The following THSD7A variants were observed in gnomAD, a reference collection of about 807,000 sequenced individuals.
THSD7A encodes thrombospondin type-1 domain-containing protein 7A.
Under a neutral mutation model 231.3 loss-of-function variants are expected in THSD7A, and 96 were observed. The observed-to-expected ratio is 0.41, with a 90% CI of 0.35 to 0.49. The LOEUF is 0.49. THSD7A is among the 20% of genes least tolerant of loss of function. The pLI is 0.05. For synonymous variants in THSD7A, 940 were observed against 743.3 expected (o/e 1.26, Z -4.30); for missense variants, 2,290 against 2,070.2 (o/e 1.11, Z -2.06).
chr7:11,612,070 G>C (rs1484489653), intron 2 of THSD7A, among the ~76,000 whole-genome samples: 2 of 152,058 alleles, frequency 1.3e-5, no homozygotes, highest in Non-Finnish European at 2.9e-5. Flanking sequence ...ATTATATCCT[G>C]AATTACATAA....
At chr7:11,407,816 G>C (rs1222095088) in intron 19 of THSD7A, among the ~76,000 whole-genome samples, 1 of 151,984 alleles carries the variant, frequency 6.6e-6, no homozygotes, top group African/African-American at 2.4e-5. Context: ...GTATCTTAGG[G>C]ATATTATTTA....
intron 1 of THSD7A, among the ~76,000 whole-genome samples, chr7:11,671,275 T>A (rs1783381633): frequency 6.6e-6 from 1 of 152,204 alleles, no homozygotes; most frequent in African/African-American, 2.4e-5. Context: ...CCTCTGGCTC[T>A]GTGTGGCTTT....
intron 23 of THSD7A, among the ~76,000 whole-genome samples, chr7:11,386,051 C>CT (rs1782729331): frequency 1.3e-5 from 2 of 152,100 alleles, no homozygotes; most frequent in South Asian, 2.1e-4. Context: ...TGAACTCATC[C>CT]TTTTTTATGG....
Position 11,590,590 on chromosome 7 carries a change from G to T in THSD7A, c.1323C>A (p.Leu441=). 2 of 1,613,678 alleles carry T rather than the reference G, an allele frequency of 1.2e-6. No individual in the cohort carries two copies. Among genetic ancestry groups the T allele is most frequent in the Non-Finnish European group, 1.7e-6 (2 of 1,179,734 alleles). The change falls in exon 4 of 28, where the codon CTC becomes CTA. Residue 441 remains leucine (L), a synonymous_variant. Coordinates refer to ENST00000423059, the MANE Select transcript of THSD7A (RefSeq NM_015204.3). This position sits in a 1 kb window ranked among gnomAD's most constrained non-coding sequence, Gnocchi z 4.4. ...EWTECRVDPL[L]SQQDKRRGNQ... ...TGCCGCGCCTCTTGTCCTGCTGACT[G>T]AGCAAAGGGTCCACACGGCACTCAG...
chr7:11,409,793 A>G (rs912892880), intron 19 of THSD7A, among the ~76,000 whole-genome samples: 2 of 151,828 alleles, frequency 1.3e-5, no homozygotes, highest in Non-Finnish European at 2.9e-5. Context: ...CCCAGGCTGG[A>G]GTGCAGTGGT....
chr7:11,411,678 C>A lies in THSD7A; in HGVS notation c.3683-356G>T, dbSNP rs1375753370. ...TTTAAAATCTTAGCATTACTTTTAG[C>A]CAAATAATCATAATTGTGACAGACG... On this transcript the variant is annotated intron_variant, in intron 18 of 27. Transcript: ENST00000423059. This position sits in a 1 kb window ranked among gnomAD's most constrained non-coding sequence, Gnocchi z 4.1. Among the ~76,000 whole-genome samples the A allele has an allele frequency of 6.6e-6, 1 of 152,124 alleles. No individual in the cohort carries two copies. Among genetic ancestry groups the A allele is most frequent in the Non-Finnish European group, 1.5e-5 (1 of 68,026 alleles).
intron 1 of THSD7A, among the ~76,000 whole-genome samples, chr7:11,752,009 G>C (rs916441692): frequency 6.6e-6 from 1 of 152,106 alleles, no homozygotes; most frequent in African/African-American, 2.4e-5. Flanking sequence ...GCAGGGTGGG[G>C]AGCAGCTCCT....
intron 23 of THSD7A, chr7:11,385,275 A>G (rs573638601): frequency 1.4e-4 from 22 of 152,126 alleles, no homozygotes; most frequent in African/African-American, 4.3e-4. Context: ...TTCATTTTCA[A>G]TTCTTAAACT....
intron 1 of THSD7A, among the ~76,000 whole-genome samples, chr7:11,784,428 G>A (rs116517051): frequency 6.6e-6 from 1 of 151,300 alleles, no homozygotes; most frequent in Non-Finnish European, 1.5e-5. Flanking sequence ...ACGTTAGTCT[G>A]TCATTTTAAT....
chr7:11,457,947 T>G (rs1218254944), intron 11 of THSD7A, among the ~76,000 whole-genome samples: 1 of 152,110 alleles, frequency 6.6e-6, no homozygotes, highest in Non-Finnish European at 1.5e-5. Flanking sequence ...TAATTCTTGT[T>G]AGGTGACATT....
At chr7:11,530,948 T>A (rs1384786589) in intron 6 of THSD7A, among the ~76,000 whole-genome samples, 3 of 151,860 alleles carry the variant, frequency 2.0e-5, no homozygotes, top group Non-Finnish European at 4.4e-5. Context: ...GAGGTGGAGG[T>A]TGCAGTGAGC....
chr7:11,699,484 TG>T (rs1430007406), intron 1 of THSD7A, among the ~76,000 whole-genome samples: 1 of 151,280 alleles, frequency 6.6e-6, no homozygotes, highest in East Asian at 2.0e-4. Context: ...TCAGTTTGTT[TG>T]GGGTTTTCTG....
chr7:11,585,231 AC>A (rs1395684869), intron 4 of THSD7A, among the ~76,000 whole-genome samples: 1 of 152,182 alleles, frequency 6.6e-6, no homozygotes, highest in African/African-American at 2.4e-5. Context: ...AGTTTTTATT[AC>A]CTTTTACCCC....
chr7:11,422,598 CAAAAA>C (rs5882308), intron 16 of THSD7A, among the ~76,000 whole-genome samples: 2 of 97,874 alleles, frequency 2.0e-5, no homozygotes, highest in South Asian at 8.2e-4. Context: ...ATTTACAAAG[CAAAAA>C]AAAAAAAAAA....
intron 1 of THSD7A, among the ~76,000 whole-genome samples, chr7:11,638,929 C>A (rs1464902519): frequency 1.3e-5 from 2 of 152,222 alleles, no homozygotes; most frequent in South Asian, 4.1e-4. Context: ...ACCACAGAAC[C>A]TAGGAAACTT....
intron 4 of THSD7A, among the ~76,000 whole-genome samples, chr7:11,559,661 G>C (rs1789998420): frequency 6.6e-6 from 1 of 151,758 alleles, no homozygotes; most frequent in East Asian, 1.9e-4. Flanking sequence ...AGAAGAAAGA[G>C]AATAAAAAAA....
chr7:11,782,189 C>T (rs1226928923), intron 1 of THSD7A, among the ~76,000 whole-genome samples: 1 of 152,152 alleles, frequency 6.6e-6, no homozygotes, highest in Non-Finnish European at 1.5e-5. Flanking sequence ...TTCTGCAGCA[C>T]TTCATACCTA....
intron 6 of THSD7A, among the ~76,000 whole-genome samples, chr7:11,511,272 C>A (rs929143742): frequency 2.0e-5 from 3 of 151,930 alleles, no homozygotes; most frequent in South Asian, 4.2e-4. Context: ...CACTGCTCAA[C>A]GAAATAAAAG....
intron 1 of THSD7A, among the ~76,000 whole-genome samples, chr7:11,801,915 A>C (rs1784288018): frequency 6.6e-6 from 1 of 152,230 alleles, no homozygotes; most frequent in Admixed American, 6.5e-5. Flanking sequence ...ATAACATTAA[A>C]TCAGTTGACA....
Sources: allele counts gnomAD v4.1 joint callset (sites outside exome capture counted in the v4.1 genomes callset), GRCh38; gene constraint gnomAD v4.1.1; non-coding constraint Gnocchi (gnomAD v3.1); transcripts MANE v1.5; gene names NCBI Gene and HGNC (gene_info 2026-07-23, HGNC 2026-07-21).